Variants in SOX6 observed in about 807,000 individuals in gnomAD.
The protein encoded by SOX6 is transcription factor SOX-6.
SOX6 carries 11 observed loss-of-function variants against 97.8 expected under a neutral mutation model. The ratio of observed to expected loss-of-function variants is 0.11; its 90% CI spans 0.07 to 0.19. SOX6 has a LOEUF of 0.19. Ranked by LOEUF, SOX6 falls within the 10% of genes least tolerant of loss-of-function variation. SOX6 has a pLI of 1.00. For missense variants in SOX6, 810 were observed against 1,039.5 expected (o/e 0.78, Z 3.04); for synonymous variants, 360 against 371.4 (o/e 0.97, Z 0.35).
chr11:16,548,911 CA>C (rs149712409), intron 4 of SOX6, among the ~76,000 whole-genome samples: 1 of 150,652 alleles, frequency 6.6e-6, no homozygotes, highest in Non-Finnish European at 1.5e-5. Flanking sequence ...ATACATATTT[CA>C]AAAAAAATGA....
intron 2 of SOX6, among the ~76,000 whole-genome samples, chr11:16,729,831 C>G (rs1397707432): frequency 1.3e-5 from 2 of 151,848 alleles, no homozygotes; most frequent in African/African-American, 2.4e-5. Context: ...ACCCATCTCA[C>G]GTGCAAAGAC....
At chr11:16,728,523 G>A (rs1199413150) in intron 2 of SOX6, among the ~76,000 whole-genome samples, 1 of 152,194 alleles carries the variant, frequency 6.6e-6, no homozygotes, top group Non-Finnish European at 1.5e-5. Context: ...AAACAGAAAG[G>A]AATAGCATCA....
At chr11:16,152,302 A>G (rs952171419) in intron 6 of SOX6, among the ~76,000 whole-genome samples, 1 of 152,148 alleles carries the variant, frequency 6.6e-6, no homozygotes, top group Non-Finnish European at 1.5e-5. Context: ...TTCATTTTCA[A>G]TGGTCAAAAG....
intron 3 of SOX6, among the ~76,000 whole-genome samples, chr11:16,237,120 C>T (rs796849430): frequency 5.9e-5 from 9 of 152,060 alleles, no homozygotes; most frequent in African/African-American, 1.9e-4. Context: ...TGTTTAATCT[C>T]AGGACTAGGA....
At chr11:16,308,730 A>G (rs1855510751) in intron 3 of SOX6, among the ~76,000 whole-genome samples, 1 of 152,134 alleles carries the variant, frequency 6.6e-6, no homozygotes, top group African/African-American at 2.4e-5. Flanking sequence ...CTAAAACCAC[A>G]CCCTGTGCTG....
At chr11:16,389,925 G>C (rs1050075155) in intron 1 of SOX6, among the ~76,000 whole-genome samples, 9 of 134,120 alleles carry the variant, frequency 6.7e-5, no homozygotes, top group African/African-American at 2.5e-4. Flanking sequence ...AGCCGAGATG[G>C]CGCCACTGCA....
At chr11:16,193,640 T>C (rs887536365) in intron 4 of SOX6, among the ~76,000 whole-genome samples, 6 of 152,198 alleles carry the variant, frequency 3.9e-5, no homozygotes, top group Non-Finnish European at 8.8e-5. Flanking sequence ...GGAGTTCTGA[T>C]GAAGATACAC....
chr11:16,484,331 G>C, intron 4 of SOX6: 2 of 881,594 alleles, frequency 2.3e-6, no homozygotes, highest in Non-Finnish European at 3.9e-6. Context: ...CTTAAAGCCA[G>C]TTGGCCAGTG....
chr11:16,223,415 G>T (rs1242623767), intron 4 of SOX6, among the ~76,000 whole-genome samples: 1 of 152,024 alleles, frequency 6.6e-6, no homozygotes, highest in African/African-American at 2.4e-5. Flanking sequence ...AGTTATAGAA[G>T]TTCTTTTGAT....
At position 16,639,317 on chromosome 11, in the gene SOX6, G is replaced by A. The variant is rs147969885; in HGVS notation, n.430-27057C>T. 1.7e-3 allele frequency among the ~76,000 whole-genome samples: 254 copies of A among 152,276 alleles called. 7 individuals carry two copies. In the East Asian group the frequency reaches 0.038, roughly 23 times the overall value. On this transcript the variant is annotated intron_variant and non_coding_transcript_variant, in intron 3 of 5. Coordinates refer to the SOX6 transcript ENST00000524520. The stretch of plus-strand genomic sequence containing the variant: ...GTACCATGATGTTTTAGTTACTGTA[G>A]CCTTGTAGTATAGTTTGAAGTCAGG...
At chr11:16,148,880 C>T (rs904952287) in intron 6 of SOX6, among the ~76,000 whole-genome samples, 2 of 152,118 alleles carry the variant, frequency 1.3e-5, no homozygotes, top group Non-Finnish European at 2.9e-5. Context: ...AACCTTTACT[C>T]CAGTGGAAAA....
intron 1 of SOX6, among the ~76,000 whole-genome samples, chr11:16,361,955 T>C (rs955477245): frequency 4.6e-5 from 7 of 152,348 alleles, no homozygotes; most frequent in Admixed American, 2.0e-4. Context: ...CCTTATCTTG[T>C]ACATTATTTC....
intron 7 of SOX6, among the ~76,000 whole-genome samples, chr11:16,101,832 C>G (rs1405412195): frequency 6.6e-6 from 1 of 151,786 alleles, no homozygotes; most frequent in Admixed American, 6.6e-5. Context: ...CCCAACATCC[C>G]TTTGTGATTA....
intron 4 of SOX6, among the ~76,000 whole-genome samples, chr11:16,212,077 C>T (rs771729193): frequency 3.3e-5 from 5 of 152,118 alleles, no homozygotes; most frequent in South Asian, 2.1e-4. Flanking sequence ...GGCTTTGGTA[C>T]CCTCACCCAT....
chr11:16,520,550 C>T (rs911331992), intron 4 of SOX6, among the ~76,000 whole-genome samples: 29 of 152,194 alleles, frequency 1.9e-4, no homozygotes, highest in African/African-American at 7.0e-4. Context: ...GCATTAGCGA[C>T]GTAGAAGACG....
At chr11:16,487,636 C>T (rs1247358355) in intron 4 of SOX6, among the ~76,000 whole-genome samples, 1 of 152,126 alleles carries the variant, frequency 6.6e-6, no homozygotes, top group African/African-American at 2.4e-5. Context: ...AAGTCCATAC[C>T]TCTTTTTAAT....
At chr11:16,515,314 T>G (rs2133155377) in intron 4 of SOX6, among the ~76,000 whole-genome samples, 1 of 151,868 alleles carries the variant, frequency 6.6e-6, no homozygotes, top group Middle Eastern at 3.4e-3. Flanking sequence ...TGAGCATTTT[T>G]TCATGTGTTT....
intron 1 of SOX6, among the ~76,000 whole-genome samples, chr11:16,381,897 A>G (rs1282962453): frequency 6.6e-6 from 1 of 151,986 alleles, no homozygotes; most frequent in Admixed American, 6.6e-5. Context: ...GGGTGACACT[A>G]AGTTGTAAGC....
intron 1 of SOX6, among the ~76,000 whole-genome samples, chr11:16,433,523 G>A (rs1174222121): frequency 6.6e-6 from 1 of 151,976 alleles, no homozygotes; most frequent in Non-Finnish European, 1.5e-5. Context: ...ATCAACCAAT[G>A]GATCATCCAC....
Sources: gnomAD v4.1 joint callset for allele counts (sites outside exome capture counted in the v4.1 genomes callset) on GRCh38, gnomAD v4.1.1 for gene constraint, MANE v1.5 for transcripts, NCBI Gene and HGNC (gene_info 2026-07-23, HGNC 2026-07-21) for gene names.